Variants in FANCD2 observed in about 807,000 individuals in gnomAD.
FANCD2 encodes FA complementation group D2, also known as Fanconi anemia group D2 protein.
A neutral mutation model predicts 192.3 loss-of-function variants in FANCD2; 131 were observed. The ratio of observed to expected loss-of-function variants is 0.68; its 90% CI spans 0.59 to 0.79. The LOEUF (loss-of-function observed/expected upper bound fraction) is 0.79. FANCD2 is among the 30% of genes least tolerant of loss of function. FANCD2 has a pLI of 0.00. For synonymous variants in FANCD2, 524 were observed against 612.5 expected, an observed-to-expected ratio of 0.86 and a Z score of 2.13; for missense variants, 1,508 against 1,701.6, an observed-to-expected ratio of 0.89 and a Z score of 2.00.
In FANCD2 at chr3:10,047,346, C is replaced by G. The variant is rs1292056984; in HGVS notation, c.1279-571C>G. 1.3e-5 allele frequency among the ~76,000 whole-genome samples: 2 copies of G among 152,272 alleles called. 1 individual carries two copies. The highest frequency in any genetic ancestry group is 4.1e-4 in the South Asian group (2 of 4,836). On this transcript the variant is annotated intron_variant, in intron 15 of 43. Coordinates refer to ENST00000675286, the MANE Select transcript of FANCD2 (RefSeq NM_001018115.3). Reference sequence around the variant, plus strand: ...CATGTAATTTTTCATTGCATTTTCCCCAATAAAGCATTATACCCAGCTTAG... The same window carrying G: ...CATGTAATTTTTCATTGCATTTTCCGCAATAAAGCATTATACCCAGCTTAG...
chr3:10,072,490 G>A (rs1209361500), intron 26 of FANCD2, among the ~76,000 whole-genome samples: 1 of 152,114 alleles, frequency 6.6e-6, no homozygotes, highest in Non-Finnish European at 1.5e-5. Context: ...TGTTGGCCAG[G>A]CTGGTCTCAA....
In FANCD2 at chr3:10,060,406, A is replaced by G. The variant is rs758140679; in HGVS notation, c.1766+3A>G. The G allele has an allele frequency of 1.9e-5, 30 of 1,607,480 alleles. No individual in the cohort carries two copies. In the East Asian group the frequency reaches 6.2e-4, roughly 33 times the overall value. On this transcript the variant is annotated splice_donor_region_variant and intron_variant, in intron 19 of 43. Transcript: ENST00000675286. ...GCTGGCATCATGGCGGCAGACAGGT[A>G]CACGTGGAGATTCTGACTTCTGTGG...
intron 20 of FANCD2, among the ~76,000 whole-genome samples, chr3:10,062,719 A>G (rs1168731849): frequency 6.6e-6 from 1 of 151,508 alleles, no homozygotes; most frequent in Non-Finnish European, 1.5e-5. Flanking sequence ...ATGTTTATTT[A>G]TTTATTTTTA....
At position 10,095,283 on chromosome 3, in the gene FANCD2, G is replaced by C; in HGVS notation, c.4038+9G>C. 1 of 1,613,268 alleles carries C rather than the reference G, an allele frequency of 6.2e-7. No homozygotes were observed. The highest frequency in any genetic ancestry group is 8.5e-7 in the Non-Finnish European group (1 of 1,179,348). ...TGTGTGGGCATTCCAAGGTAAGAAG[G>C]GGAGCAGGTTCTATCAGCAGCCTGC... On this transcript the variant is annotated intron_variant, in intron 41 of 43. Transcript: ENST00000675286.
chr3:10,078,137 C>A lies in FANCD2; in HGVS notation c.2916C>A (p.Leu972=), dbSNP rs1385769022. The A allele has an allele frequency of 6.2e-7, 1 of 1,613,854 alleles. No individual in the cohort carries two copies. Among genetic ancestry groups the A allele is most frequent in the African/African-American group, 1.3e-5 (1 of 74,926 alleles). The change falls in exon 30 of 44, where the codon CTC becomes CTA. Residue 972 remains leucine (L), a synonymous_variant. Coordinates refer to ENST00000675286, the MANE Select transcript of FANCD2 (RefSeq NM_001018115.3). ...PPELLFLLED[L]SQKLESMLTP... ...AGCTGCTTTTCTTGCTGGAAGATCT[C>A]TCCCAGAAGCTGGAGAGTATGCTGA...
rs1002282765 is a variant in FANCD2, at chr3:10,043,277, A to C, written c.989+127A>C. The C allele has an allele frequency of 4.8e-6, 4 of 829,036 alleles. No individual in the cohort carries two copies. In the African/African-American group the frequency reaches 6.8e-5, roughly 14 times the overall value. The allele number at this position is 829,036 out of a possible 1,614,324, so 51.4% of individuals were successfully genotyped here. ...TACATCTAGTATTATATTGTTTTTC[A>C]AATTACATATATGTATGTGAGTATG... is the stretch of plus-strand genomic sequence containing the variant. On this transcript the variant is annotated intron_variant, in intron 12 of 43. Transcript: ENST00000675286.
intron 26 of FANCD2, among the ~76,000 whole-genome samples, chr3:10,070,582 G>A (rs1409735333): frequency 1.4e-5 from 2 of 146,566 alleles, no homozygotes; most frequent in African/African-American, 5.1e-5. Context: ...CCCCTACTGG[G>A]AAGTGAGGAG....
chr3:10,074,300 C>T (rs1205261153), intron 28 of FANCD2, among the ~76,000 whole-genome samples: 1 of 152,140 alleles, frequency 6.6e-6, no homozygotes, highest in Non-Finnish European at 1.5e-5. Context: ...TAGATCATCC[C>T]TAAATAGATG....
At chr3:10,085,390 C>CT (rs919076257) in intron 32 of FANCD2, among the ~76,000 whole-genome samples, 1 of 146,454 alleles carries the variant, frequency 6.8e-6, no homozygotes, top group African/African-American at 2.5e-5. Context: ...TTTCTTTTTT[C>CT]TTTCTTTTTT....
intron 18 of FANCD2, among the ~76,000 whole-genome samples, chr3:10,059,424 TA>T (rs757846525): frequency 1.3e-5 from 2 of 152,190 alleles, no homozygotes; most frequent in African/African-American, 2.4e-5. Context: ...ATAATAACAA[TA>T]AAAGATATTA....
chr3:10,094,965 A>C, intron 40 of FANCD2: 1 of 544,680 alleles, frequency 1.8e-6, no homozygotes. Flanking sequence ...AACCTATGTA[A>C]AACTAAAATG....
rs2086864343 is a variant in FANCD2, at chr3:10,041,602, TTC to T, written c.696-19_696-18del. 6.4e-7 allele frequency: 1 copy of T among 1,555,474 alleles called. No homozygotes were observed. The highest frequency in any genetic ancestry group is 2.2e-5 in the East Asian group (1 of 44,624). On this transcript the variant is annotated intron_variant, in intron 9 of 43. Coordinates refer to ENST00000675286, the MANE Select transcript of FANCD2 (RefSeq NM_001018115.3). The stretch of plus-strand genomic sequence containing the variant: ...CTGTTCAAACCATTATACAACTTTT[TTC>T]TTTTTCTACCATTCACAGTGACCTA...
chr3:10,042,010 G>C (rs962169530), intron 10 of FANCD2, among the ~76,000 whole-genome samples: 1 of 151,594 alleles, frequency 6.6e-6, no homozygotes, highest in Non-Finnish European at 1.5e-5. Context: ...GCAGTTCCCT[G>C]ACTCAGCCTC....
intron 17 of FANCD2, among the ~76,000 whole-genome samples, chr3:10,051,297 C>T (rs1333169009): frequency 2.1e-5 from 3 of 140,978 alleles, no homozygotes; most frequent in African/African-American, 7.8e-5. Flanking sequence ...AGGAGAATGG[C>T]GTGAACCCAG....
rs762676876 is a variant in FANCD2 at position 10,060,897 on chromosome 3, A to G, written c.1766+494A>G. On this transcript the variant is annotated intron_variant, in intron 19 of 43. Coordinates refer to ENST00000675286, the MANE Select transcript of FANCD2 (RefSeq NM_001018115.3). ...GATAAGATGTTGCCATTACAAACCG[A>G]CATTGGATTTCAGTTCATGCTCCTT... is the stretch of plus-strand genomic sequence containing the variant. Among the ~76,000 whole-genome samples the G allele has an allele frequency of 2.4e-4, 36 of 152,166 alleles. 1 individual carries two copies. The highest frequency in any genetic ancestry group is 1.2e-4 in the Non-Finnish European group (8 of 68,006).
chr3:10,081,351 A>C lies in FANCD2; in HGVS notation c.3111A>C (p.Leu1037Phe). 1 of 1,613,676 alleles carries C rather than the reference A, an allele frequency of 6.2e-7. No homozygotes were observed. The highest frequency in any genetic ancestry group is 8.5e-7 in the Non-Finnish European group (1 of 1,179,562). Residue 1037 changes from leucine to phenylalanine, a missense_variant, in exon 32 of 44, where the codon TTA (leucine) becomes TTC (phenylalanine). Coordinates refer to ENST00000675286, the MANE Select transcript of FANCD2 (RefSeq NM_001018115.3). The stretch of plus-strand genomic sequence containing the variant: ...AAAATCATTTTTATTTTTAGTGTTT[A>C]GCTGCTGAGAATCACGGTGTAGTTG... Reference protein sequence around the residue: ...LENIHNYFQCLAAENHGVVDG... With the variant: ...LENIHNYFQCFAAENHGVVDG...
At chr3:10,093,417 C>A in intron 39 of FANCD2, 94 bp downstream of exon 39, 1 of 1,089,242 alleles carries the variant, frequency 9.2e-7, no homozygotes, top group Non-Finnish European at 1.4e-6. Context: ...AATTTCTTGC[C>A]CACAAGCCAG....
chr3:10,096,293 C>T (rs747632960), intron 41 of FANCD2, 33 bp from the exon 42 acceptor site: 1 of 1,611,774 alleles, frequency 6.2e-7, no homozygotes, highest in Admixed American at 1.7e-5. Context: ...ATGATAAACT[C>T]ACAAAAGATG....
chr3:10,097,246 A>G (rs1471358659), intron 42 of FANCD2, among the ~76,000 whole-genome samples: 1 of 152,238 alleles, frequency 6.6e-6, no homozygotes, highest in Non-Finnish European at 1.5e-5. Context: ...TGTCATTGAT[A>G]ACATCTTATC....
Sources: gnomAD v4.1 joint callset for allele counts (sites outside exome capture counted in the v4.1 genomes callset) on GRCh38, gnomAD v4.1.1 for gene constraint, MANE v1.5 for transcripts, NCBI Gene and HGNC (gene_info 2026-07-23, HGNC 2026-07-21) for gene names.